The following ZZZ3 variants were observed in gnomAD, a reference collection of about 807,000 sequenced individuals.
ZZZ3 encodes the protein zinc finger ZZ-type containing 3, also known as ZZ-type zinc finger-containing protein 3.
Under a neutral mutation model 95.2 loss-of-function variants are expected in ZZZ3, and 22 were observed. The observed-to-expected ratio is 0.23, with a 90% CI of 0.17 to 0.33. The LOEUF is 0.33. Among genes scored for constraint, ZZZ3 ranks in the 10% least tolerant of loss-of-function variants. ZZZ3 has a pLI of 1.00. For synonymous variants in ZZZ3, 335 were observed against 358.9 expected (o/e 0.93, Z 0.75); for missense variants, 885 against 1,066.5 (o/e 0.83, Z 2.37).
At chr1:77,594,921 C>CATA (rs1557709154) in intron 5 of ZZZ3, among the ~76,000 whole-genome samples, 15 of 80,704 alleles carry the variant, frequency 1.9e-4, no homozygotes, top group Non-Finnish European at 2.8e-4. Context: ...TTGACAGGCC[C>CATA]AAAAAAAAAA....
chr1:77,579,633 G>T lies in ZZZ3; in HGVS notation c.1981-5C>A. The T allele has an allele frequency of 6.5e-7, 1 of 1,547,978 alleles. No individual in the cohort carries two copies. The highest frequency in any genetic ancestry group is 8.7e-7 in the Non-Finnish European group (1 of 1,150,096). On this transcript the variant is annotated splice_region_variant and splice_polypyrimidine_tract_variant and intron_variant, in intron 9 of 14. Coordinates refer to ENST00000370801, the MANE Select transcript of ZZZ3 (RefSeq NM_015534.6). ...GAGTAGCTGTTCCAGCTTTTTCTAA[G>T]CCATACCCAAGACCAAATTTAAGAA...
Position 77,579,634 on chromosome 1 carries a change from C to A in ZZZ3, c.1981-6G>T. 6.5e-7 allele frequency: 1 copy of A among 1,546,108 alleles called. No individual in the cohort carries two copies. On this transcript the variant is annotated splice_region_variant and splice_polypyrimidine_tract_variant and intron_variant, in intron 9 of 14. Transcript: ENST00000370801. ...AGTAGCTGTTCCAGCTTTTTCTAAG[C>A]CATACCCAAGACCAAATTTAAGAAA... is the stretch of plus-strand genomic sequence containing the variant.
chr1:77,658,393 A>C (rs2101000905), intron 1 of ZZZ3, among the ~76,000 whole-genome samples: 1 of 152,066 alleles, frequency 6.6e-6, no homozygotes, highest in Admixed American at 6.5e-5. Context: ...CCAGGCTGGA[A>C]TGCAATGGGG....
intron 11 of ZZZ3, among the ~76,000 whole-genome samples, chr1:77,576,757 T>TA (rs1369122622): frequency 4.1e-4 from 56 of 137,938 alleles, no homozygotes; most frequent in Admixed American, 8.2e-4. Context: ...ACACTCACAC[T>TA]AAAAAAAAAA....
intron 5 of ZZZ3, among the ~76,000 whole-genome samples, chr1:77,597,938 G>A (rs1664367298): frequency 6.6e-6 from 1 of 152,116 alleles, no homozygotes; most frequent in Admixed American, 6.6e-5. Flanking sequence ...CTGTAAGATA[G>A]TAATAATACA....
At chr1:77,615,159 A>G (rs1666188182) in intron 5 of ZZZ3, among the ~76,000 whole-genome samples, 2 of 152,216 alleles carry the variant, frequency 1.3e-5, no homozygotes, top group African/African-American at 4.8e-5. Flanking sequence ...CCTAACAACA[A>G]AAATGGTGAC....
At chr1:77,673,409 C>A (rs1421988120) in intron 1 of ZZZ3, among the ~76,000 whole-genome samples, 1 of 152,074 alleles carries the variant, frequency 6.6e-6, no homozygotes, top group Non-Finnish European at 1.5e-5. Flanking sequence ...CCAGCCTGGA[C>A]AACGTGGAGA....
intron 1 of ZZZ3, among the ~76,000 whole-genome samples, chr1:77,654,030 T>C (rs563606999): frequency 6.6e-6 from 1 of 150,850 alleles, no homozygotes; most frequent in East Asian, 2.0e-4. Flanking sequence ...CTACTAAAAA[T>C]ACAAAAAATT....
intron 5 of ZZZ3, among the ~76,000 whole-genome samples, chr1:77,619,848 C>T (rs942112637): frequency 2.0e-5 from 3 of 152,018 alleles, no homozygotes; most frequent in African/African-American, 7.2e-5. Flanking sequence ...AAATCACTAA[C>T]ACTATATAAA....
chr1:77,680,081 C>T (rs1384930328), intron 1 of ZZZ3, among the ~76,000 whole-genome samples: 1 of 152,194 alleles, frequency 6.6e-6, no homozygotes, highest in Non-Finnish European at 1.5e-5. Context: ...TTGTCATTTT[C>T]ACAATTTCCC....
In ZZZ3 at chr1:77,565,313, A is replaced by G. The variant is rs113082796; in HGVS notation, c.*327T>C. 1.8e-4 allele frequency: 37 copies of G among 203,270 alleles called. 1 individual carries two copies. Among genetic ancestry groups the G allele is most frequent in the African/African-American group, 8.3e-4 (36 of 43,438 alleles). The allele number at this position is 203,270 out of a possible 1,614,324, so 12.6% of individuals were successfully genotyped here. ...ACTTTGTCTTCTCATTATCATATTT[A>G]TGACCAAGTTCTTTGAAACCTTTGG... On this transcript the variant is annotated 3_prime_UTR_variant, in exon 15 of 15. Coordinates refer to ENST00000370801, the MANE Select transcript of ZZZ3 (RefSeq NM_015534.6).
intron 5 of ZZZ3, among the ~76,000 whole-genome samples, chr1:77,626,057 A>C (rs1667307482): frequency 6.6e-6 from 1 of 152,210 alleles, no homozygotes; most frequent in Non-Finnish European, 1.5e-5. Flanking sequence ...TACTTGGATT[A>C]CAGCAGAGAA....
intron 4 of ZZZ3, among the ~76,000 whole-genome samples, chr1:77,636,598 C>T (rs1183033687): frequency 6.7e-6 from 1 of 150,246 alleles, no homozygotes; most frequent in African/African-American, 2.5e-5. Flanking sequence ...GCCTGTAGTC[C>T]CAGGTACTAG....
intron 1 of ZZZ3, among the ~76,000 whole-genome samples, chr1:77,647,443 C>T (rs527336828): frequency 9.9e-5 from 15 of 151,690 alleles, no homozygotes; most frequent in African/African-American, 3.1e-4. Context: ...CGCTTAAACC[C>T]GGGAGGTAGA....
At chr1:77,651,994 C>T (rs1189447623) in intron 1 of ZZZ3, among the ~76,000 whole-genome samples, 9 of 140,750 alleles carry the variant, frequency 6.4e-5, no homozygotes, top group Admixed American at 3.0e-4. Context: ...CCAGTCTGGG[C>T]GACAAGAGCA....
In ZZZ3 at chr1:77,578,764, T is replaced by C. The variant is rs750388024; in HGVS notation, c.2178+10A>G. ...TAATCTACAGTTTACTTTCATGTATTTTCTTTTACCTTTTTGGAGTATATA... is the reference window on the plus strand; with the variant it reads ...TAATCTACAGTTTACTTTCATGTATCTTCTTTTACCTTTTTGGAGTATATA... On this transcript the variant is annotated intron_variant, in intron 11 of 14. Transcript: ENST00000370801. 6.8e-7 allele frequency: 1 copy of C among 1,480,134 alleles called. No individual in the cohort carries two copies. Among genetic ancestry groups the C allele is most frequent in the Non-Finnish European group, 9.0e-7 (1 of 1,110,024 alleles). The allele number at this position is 1,480,134 out of a possible 1,614,324, so 91.7% of individuals were successfully genotyped here.
chr1:77,616,226 T>G (rs1666300773), intron 5 of ZZZ3, among the ~76,000 whole-genome samples: 1 of 152,170 alleles, frequency 6.6e-6, no homozygotes, highest in South Asian at 2.1e-4. Context: ...TTTCTGAGTA[T>G]AAAGAACATT....
At chr1:77,592,312 T>C (rs752466263) in intron 5 of ZZZ3, among the ~76,000 whole-genome samples, 1 of 152,158 alleles carries the variant, frequency 6.6e-6, no homozygotes, top group Non-Finnish European at 1.5e-5. Flanking sequence ...AGAAAGTGAA[T>C]AGCTCACATT....
chr1:77,605,094 C>G (rs923944546), intron 5 of ZZZ3, among the ~76,000 whole-genome samples: 1 of 152,186 alleles, frequency 6.6e-6, no homozygotes, highest in Non-Finnish European at 1.5e-5. Flanking sequence ...TGAACACTCA[C>G]AGTACTTGGT....
Sources: gnomAD v4.1 joint callset for allele counts (sites outside exome capture counted in the v4.1 genomes callset) on GRCh38, gnomAD v4.1.1 for gene constraint, MANE v1.5 for transcripts, NCBI Gene and HGNC (gene_info 2026-07-23, HGNC 2026-07-21) for gene names.